Variants in CYP4V2 observed in about 807,000 individuals in gnomAD.
CYP4V2 encodes the protein cytochrome P450 4V2.
CYP4V2 carries 55 observed loss-of-function variants against 60.8 expected under a neutral mutation model. The ratio of observed to expected loss-of-function variants is 0.90; its 90% CI spans 0.73 to 1.13. CYP4V2 has a LOEUF of 1.13. Among genes scored for constraint, CYP4V2 ranks in the 50% most tolerant of loss-of-function variants. CYP4V2 has a pLI of 0.00. For synonymous variants in CYP4V2, 239 were observed against 236.8 expected (o/e 1.01, Z -0.08); for missense variants, 675 against 662.9 (o/e 1.02, Z -0.20).
At position 186,210,624 on chromosome 4, in the gene CYP4V2, A is replaced by T. The variant is rs748775577; in HGVS notation, c.1561A>T (p.Asn521Tyr). The change falls in exon 11 of 11, where the codon AAT (asparagine) becomes TAT (tyrosine). Residue 521 changes from asparagine (N) to tyrosine (Y), a missense_variant. By Grantham distance (143) the Asn-to-Tyr change is moderately radical (BLOSUM62 -2). Coordinates refer to ENST00000378802, the MANE Select transcript of CYP4V2 (RefSeq NM_207352.4). ...NGIWIKLKRR[N>Y]ADER is the part of the protein sequence containing the mutation. The stretch of plus-strand genomic sequence containing the variant: ...CATCTGGATCAAGTTGAAGAGGAGA[A>T]ATGCAGATGAACGCTAACTATATTA... The T allele has an allele frequency of 6.2e-7, 1 of 1,614,118 alleles. No homozygotes were observed. Among genetic ancestry groups the T allele is most frequent in the Non-Finnish European group, 8.5e-7 (1 of 1,180,028 alleles).
rs1736232818 is a variant in CYP4V2, at chr4:186,199,017, C to G, written c.735C>G (p.Tyr245Ter). The G allele has an allele frequency of 6.2e-7, 1 of 1,613,884 alleles. No individual in the cohort carries two copies. Among genetic ancestry groups the G allele is most frequent in the Non-Finnish European group, 8.5e-7 (1 of 1,179,958 alleles). The change falls in exon 6 of 11, where the codon TAC (tyrosine) becomes TAG (stop). Residue 245 changes from tyrosine to a stop codon, truncating the protein, a stop_gained. Coordinates refer to ENST00000378802, the MANE Select transcript of CYP4V2 (RefSeq NM_207352.4). LOFTEE classifies it high-confidence loss of function. The part of the protein sequence containing the change: ...KMPWLWLDLW[Y>*]LMFKEGWEHK... ...CCTGGCTTTGGCTTGATCTCTGGTA[C>G]CTTATGTTTAAAGAAGGATGGGAAC...
Position 186,209,255 on chromosome 4 carries a change from G to T in CYP4V2, c.1388G>T (p.Gly463Val), listed in dbSNP as rs749375330. The T allele has an allele frequency of 6.2e-7, 1 of 1,613,642 alleles. No homozygotes were observed. The highest frequency in any genetic ancestry group is 8.5e-7 in the Non-Finnish European group (1 of 1,179,980). The change falls in exon 10 of 11, where the codon GGC becomes GTC. Residue 463 changes from glycine to valine, a missense_variant. Transcript: ENST00000378802. ...TATGCCTACGTGCCCTTCTCTGCTG[G>T]CCCCAGGAACTGTATAGGTTTGTAT... ...HPYAYVPFSA[G>V]PRNCIGQKFA... is the part of the protein sequence containing the mutation.
Position 186,195,337 on chromosome 4 carries a change from G to T in CYP4V2, c.328-666G>T, listed in dbSNP as rs1736119902. Among the ~76,000 whole-genome samples the T allele has an allele frequency of 6.6e-6, 1 of 152,224 alleles. No individual in the cohort carries two copies. The highest frequency in any genetic ancestry group is 6.5e-5 in the Admixed American group (1 of 15,284). On this transcript the variant is annotated intron_variant, in intron 2 of 10. Transcript: ENST00000378802. The surrounding 1 kb of genome is among the most constrained non-coding windows in gnomAD (Gnocchi z 4.1). ...AGAAGAGAGCAAGAAGGGCAGACAG[G>T]ATTTCTGCCGCTGTTGGCCTAGTGT...
At chr4:186,192,241 T>C in intron 1 of CYP4V2, 1 of 732,850 alleles carries the variant, frequency 1.4e-6, no homozygotes, top group Non-Finnish European at 2.4e-6. Flanking sequence ...GAGCATTTTC[T>C]TTGTGTGTAG....
intron 3 of CYP4V2, 79 bp downstream of exon 3, chr4:186,196,167 CAG>C (rs779119710): frequency 1.6e-6 from 2 of 1,238,516 alleles, no homozygotes; most frequent in Non-Finnish European, 2.4e-6. Flanking sequence ...AGAATTAACA[CAG>C]GGTAGCTTTT....
intron 1 of CYP4V2, among the ~76,000 whole-genome samples, chr4:186,193,077 C>G (rs1199108342): frequency 6.6e-6 from 1 of 152,120 alleles, no homozygotes; most frequent in East Asian, 1.9e-4. Flanking sequence ...AACTCTTTGC[C>G]AACCAAATAT....
rs1414648701 is a variant in CYP4V2, at chr4:186,195,941, A to G, written c.328-62A>G. 7 of 1,187,714 alleles carry G rather than the reference A, an allele frequency of 5.9e-6. No individual in the cohort carries two copies. The highest frequency in any genetic ancestry group is 2.3e-5 in the East Asian group (1 of 42,816). The allele number at this position is 1,187,714 out of a possible 1,614,324, so 73.6% of individuals were successfully genotyped here. ...TAGCTGTATTCTAGCCAGTATTCCTATAATTACAGGAAGGTTGTTTGATGT... is the reference window on the plus strand; with the variant it reads ...TAGCTGTATTCTAGCCAGTATTCCTGTAATTACAGGAAGGTTGTTTGATGT... On this transcript the variant is annotated intron_variant, in intron 2 of 10. Transcript: ENST00000378802. The surrounding 1 kb of genome is among the most constrained non-coding windows in gnomAD (Gnocchi z 4.1).
chr4:186,202,190 C>G (rs1736323998), intron 7 of CYP4V2: 1 of 152,224 alleles, frequency 6.6e-6, no homozygotes, highest in Admixed American at 6.5e-5. Context: ...TTCCAGAGTT[C>G]TGTCACAATT....
chr4:186,191,733 A>G lies in CYP4V2; in HGVS notation c.-91A>G, dbSNP rs548768896. 5.2e-5 allele frequency: 62 copies of G among 1,200,714 alleles called. No individual in the cohort carries two copies. The Middle Eastern group carries it at 1.5e-3, about 29-fold the overall frequency. 74.4% of individuals were successfully genotyped at this position (1,200,714 alleles called of 1,614,324 possible). On this transcript the variant is annotated 5_prime_UTR_variant, in exon 1 of 11. Transcript: ENST00000378802. ...GGAGCGCGCCAGGTCCGCGCGGGGAAGTGGGCGGTGTGCGGCCGGCACCGC... is the reference window on the plus strand; with the variant it reads ...GGAGCGCGCCAGGTCCGCGCGGGGAGGTGGGCGGTGTGCGGCCGGCACCGC...
intron 8 of CYP4V2, 152 bp from the exon 9 acceptor site, chr4:186,208,713 A>G: frequency 1.8e-6 from 2 of 1,081,326 alleles, no homozygotes; most frequent in South Asian, 2.7e-5. Context: ...ATGGGTATTT[A>G]GCATCCCCTG....
At chr4:186,206,958 C>T (rs1242157147) in intron 8 of CYP4V2, among the ~76,000 whole-genome samples, 6 of 152,190 alleles carry the variant, frequency 3.9e-5, no homozygotes, top group African/African-American at 1.2e-4. Flanking sequence ...TTTGTATCCC[C>T]TACAAAGTTT....
Position 186,194,203 on chromosome 4 carries a change from C to G in CYP4V2, c.215-297C>G, listed in dbSNP as rs547441951. 1.5e-3 allele frequency among the ~76,000 whole-genome samples: 235 copies of G among 152,254 alleles called. 1 individual carries two copies. The highest frequency in any genetic ancestry group is 2.5e-3 in the Non-Finnish European group (167 of 68,016). On this transcript the variant is annotated intron_variant, in intron 1 of 10. Transcript: ENST00000378802. ...TACTAGCTCTGTGATACTGGGCAGTCGTTAGAAAGAATGCCCGTTCTGGGA... is the reference window on the plus strand; with the variant it reads ...TACTAGCTCTGTGATACTGGGCAGTGGTTAGAAAGAATGCCCGTTCTGGGA...
intron 4 of CYP4V2, 199 bp downstream of exon 4, chr4:186,197,329 G>A: frequency 1.2e-6 from 1 of 844,404 alleles, no homozygotes; most frequent in Admixed American, 2.1e-5. Context: ...TGGAGCAACT[G>A]CCCAGGGAGG....
rs112549140 is a variant in CYP4V2 at position 186,195,839 on chromosome 4, C to T, written c.328-164C>T. On this transcript the variant is annotated intron_variant, in intron 2 of 10. Coordinates refer to ENST00000378802, the MANE Select transcript of CYP4V2 (RefSeq NM_207352.4). The surrounding 1 kb of genome is among the most constrained non-coding windows in gnomAD (Gnocchi z 4.1). ...CTGAATGCCAGTTTTATGTTCAAAA[C>T]TCTAACTGAATGTCTTTGAGGCACA... 6.6e-6 allele frequency among the ~76,000 whole-genome samples: 1 copy of T among 152,270 alleles called. No individual in the cohort carries two copies. Among genetic ancestry groups the T allele is most frequent in the African/African-American group, 2.4e-5 (1 of 41,552 alleles).
intron 7 of CYP4V2, chr4:186,203,858 T>C (rs1321891530): frequency 1.3e-5 from 2 of 152,202 alleles, no homozygotes; most frequent in East Asian, 3.8e-4. Flanking sequence ...TTAGGAGCTG[T>C]TTTATAAAAC....
chr4:186,205,332 G>A (rs1460443493), intron 8 of CYP4V2, 30 bp downstream of exon 8: 2 of 1,585,096 alleles, frequency 1.3e-6, no homozygotes, highest in African/African-American at 1.4e-5. Context: ...TGGTTATATT[G>A]TGGTACTAAG....
chr4:186,191,657 C>T lies in CYP4V2; in HGVS notation c.-167C>T, dbSNP rs1735981608. ...ACAGCCCCGTGGCGCCCTCTCTGGC[C>T]GCCGCCCGGGCGGGAAACGTCGTTC... On this transcript the variant is annotated 5_prime_UTR_variant, in exon 1 of 11. Transcript: ENST00000378802. 2 of 563,916 alleles carry T rather than the reference C, an allele frequency of 3.5e-6. No homozygotes were observed. The highest frequency in any genetic ancestry group is 2.0e-5 in the African/African-American group (1 of 50,410). 34.9% of individuals were successfully genotyped at this position (563,916 alleles called of 1,614,324 possible).
intron 5 of CYP4V2, 94 bp from the exon 6 acceptor site, chr4:186,198,863 C>T (rs1228701802): frequency 1.4e-5 from 22 of 1,582,092 alleles, no homozygotes; most frequent in Non-Finnish European, 8.6e-7. Flanking sequence ...TCGTCATTCC[C>T]ACGATTGCCT....
chr4:186,206,221 G>T (rs2126596751), intron 8 of CYP4V2, among the ~76,000 whole-genome samples: 2 of 152,310 alleles, frequency 1.3e-5, no homozygotes. Flanking sequence ...TGGTGTGTGT[G>T]TGTGTGCATG....
Sources: gnomAD v4.1 joint callset for allele counts (sites outside exome capture counted in the v4.1 genomes callset) on GRCh38, gnomAD v4.1.1 for gene constraint, Gnocchi (gnomAD v3.1) non-coding constraint, MANE v1.5 for transcripts, NCBI Gene and HGNC (gene_info 2026-07-23, HGNC 2026-07-21) for gene names.